Variants in STK32B observed in about 807,000 individuals in gnomAD.
STK32B encodes the protein serine/threonine kinase 32B, also known as serine/threonine-protein kinase 32B.
A neutral mutation model predicts 52.6 loss-of-function variants in STK32B; 43 were observed. The observed-to-expected ratio is 0.82, with a 90% CI of 0.64 to 1.05. The LOEUF (loss-of-function observed/expected upper bound fraction) is 1.05, where lower values mean the gene tolerates loss of function less well. Ranked by LOEUF, STK32B falls within the 50% of genes least tolerant of loss-of-function variation. STK32B has a pLI of 0.00. For synonymous variants in STK32B, 238 were observed against 204.3 expected (o/e 1.17, Z -1.41); for missense variants, 621 against 534.6 (o/e 1.16, Z -1.59).
intron 6 of STK32B, chr4:5,438,004 C>T: frequency 4.1e-6 from 4 of 985,518 alleles, no homozygotes; most frequent in Non-Finnish European, 4.8e-6. Context: ...CTGATCATGA[C>T]AGCCAGGACA....
intron 9 of STK32B, among the ~76,000 whole-genome samples, chr4:5,462,997 G>T (rs1717155021): frequency 6.6e-6 from 1 of 152,196 alleles, no homozygotes; most frequent in African/African-American, 2.4e-5. Context: ...GGTCTCTTCT[G>T]CCGTCTCTGT....
At chr4:5,390,317 C>T (rs1212241584) in intron 4 of STK32B, among the ~76,000 whole-genome samples, 1 of 152,160 alleles carries the variant, frequency 6.6e-6, no homozygotes, top group African/African-American at 2.4e-5. Flanking sequence ...TTATAATGGG[C>T]GTTTGGGTAG....
intron 3 of STK32B, among the ~76,000 whole-genome samples, chr4:5,319,472 C>T (rs79160369): frequency 0.024 from 3,594 of 152,242 alleles, 139 homozygotes; most frequent in African/African-American, 0.081. Flanking sequence ...CAGTGGCTTC[C>T]CCTTGTGCAA....
At chr4:5,166,866 C>T (rs1240819322) in intron 2 of STK32B, among the ~76,000 whole-genome samples, 1 of 152,136 alleles carries the variant, frequency 6.6e-6, no homozygotes, top group African/African-American at 2.4e-5. Context: ...TCCAAGGAAC[C>T]AATACAGTCC....
At position 5,226,478 on chromosome 4, in the gene STK32B, C is replaced by G. The variant is rs1045753684; in HGVS notation, c.260+58028C>G. Among the ~76,000 whole-genome samples the G allele has an allele frequency of 2.6e-5, 4 of 152,118 alleles. 1 individual carries two copies. The South Asian group carries it at 8.3e-4, about 31-fold the overall frequency. On this transcript the variant is annotated intron_variant, in intron 3 of 11. Transcript: ENST00000282908. ...CATAGGTTTTAAATTGCCCACCGTT[C>G]GGAAAAGCATGATGAAATCTCATGC...
chr4:5,343,273 A>G (rs1194517780), intron 4 of STK32B, among the ~76,000 whole-genome samples: 2 of 152,084 alleles, frequency 1.3e-5, no homozygotes, highest in Non-Finnish European at 2.9e-5. Flanking sequence ...TACAAAGGAC[A>G]TGACCTCATC....
At chr4:5,483,038 C>G (rs1383341302) in intron 11 of STK32B, among the ~76,000 whole-genome samples, 1 of 152,084 alleles carries the variant, frequency 6.6e-6, no homozygotes, top group African/African-American at 2.4e-5. Flanking sequence ...GGATATTGGT[C>G]TAAAATTCTC....
intron 6 of STK32B, among the ~76,000 whole-genome samples, chr4:5,419,087 C>T (rs1049743892): frequency 6.6e-6 from 1 of 152,180 alleles, no homozygotes; most frequent in Admixed American, 6.5e-5. Context: ...CACCTTTAGA[C>T]TTGAGATCAA....
chr4:5,071,772 A>C (rs1008615018), intron 1 of STK32B, among the ~76,000 whole-genome samples: 1 of 152,190 alleles, frequency 6.6e-6, no homozygotes, highest in South Asian at 2.1e-4. Flanking sequence ...GAAAATAACA[A>C]ATGTTTCTGA....
intron 3 of STK32B, among the ~76,000 whole-genome samples, chr4:5,248,857 T>C (rs563130710): frequency 7.3e-5 from 11 of 150,852 alleles, no homozygotes; most frequent in Middle Eastern, 6.9e-3. Flanking sequence ...TTCTCACTCA[T>C]AGGTGGGAAT....
intron 3 of STK32B, among the ~76,000 whole-genome samples, chr4:5,266,282 A>T (rs1345701481): frequency 6.6e-6 from 1 of 152,236 alleles, no homozygotes; most frequent in Non-Finnish European, 1.5e-5. Context: ...AGAGAAATCA[A>T]CTTTTTAAGA....
intron 1 of STK32B, among the ~76,000 whole-genome samples, chr4:5,066,226 C>G (rs1446091823): frequency 6.6e-6 from 1 of 152,154 alleles, no homozygotes; most frequent in African/African-American, 2.4e-5. Flanking sequence ...CAGCATGTCT[C>G]AGGTTTTTCT....
chr4:5,280,764 T>C (rs903479313), intron 3 of STK32B, among the ~76,000 whole-genome samples: 12 of 151,790 alleles, frequency 7.9e-5, no homozygotes, highest in African/African-American at 2.9e-4. Context: ...CCAGGCATGG[T>C]GGTGGGTGCC....
chr4:5,137,286 A>T (rs560175245), intron 1 of STK32B, among the ~76,000 whole-genome samples: 2 of 152,314 alleles, frequency 1.3e-5, no homozygotes, highest in Admixed American at 6.5e-5. Context: ...ACCTCTCCTC[A>T]TGGCAGCTGG....
chr4:5,176,864 C>A (rs1360030345), intron 3 of STK32B, among the ~76,000 whole-genome samples: 2 of 152,104 alleles, frequency 1.3e-5, no homozygotes, highest in Non-Finnish European at 2.9e-5. Flanking sequence ...AAATGTCAGC[C>A]TCTGGTGGCT....
chr4:5,257,153 G>A (rs577845163), intron 3 of STK32B, among the ~76,000 whole-genome samples: 227 of 152,206 alleles, frequency 1.5e-3, no homozygotes, highest in Non-Finnish European at 2.5e-3. Context: ...ATGAATGAGC[G>A]GGCAACTGAG....
intron 1 of STK32B, among the ~76,000 whole-genome samples, chr4:5,082,012 C>T (rs574858355): frequency 3.3e-5 from 5 of 152,158 alleles, no homozygotes; most frequent in Non-Finnish European, 7.4e-5. Context: ...CAGTCCCCCC[C>T]AGTTTTTAAT....
At chr4:5,241,655 C>T (rs1261184476) in intron 3 of STK32B, among the ~76,000 whole-genome samples, 1 of 151,712 alleles carries the variant, frequency 6.6e-6, no homozygotes, top group African/African-American at 2.4e-5. Flanking sequence ...ATACATGTGC[C>T]ATGTTGGTGT....
Position 5,499,090 on chromosome 4 carries a change from A to C in STK32B, c.*7A>C. 1 of 1,606,366 alleles carries C rather than the reference A, an allele frequency of 6.2e-7. No homozygotes were observed. The highest frequency in any genetic ancestry group is 8.5e-7 in the Non-Finnish European group (1 of 1,175,818). ...CCGTGGCTGCAGCAGCTGAGCCCACACTTGTTGCTGCTCAACAGGACTGCA... is the reference window on the plus strand; with the variant it reads ...CCGTGGCTGCAGCAGCTGAGCCCACCCTTGTTGCTGCTCAACAGGACTGCA... On this transcript the variant is annotated 3_prime_UTR_variant, in exon 12 of 12. Coordinates refer to ENST00000282908, the MANE Select transcript of STK32B (RefSeq NM_018401.3).
Sources: allele counts gnomAD v4.1 joint callset (sites outside exome capture counted in the v4.1 genomes callset), GRCh38; gene constraint gnomAD v4.1.1; transcripts MANE v1.5; gene names NCBI Gene and HGNC (gene_info 2026-07-23, HGNC 2026-07-21).